Variants in PCSK2 observed in about 807,000 individuals in gnomAD.
The protein encoded by PCSK2 is proprotein convertase subtilisin/kexin type 2.
In PCSK2, 14 loss-of-function variants were observed where a neutral mutation model predicts 69.7. The observed-to-expected ratio is 0.20, with a 90% CI of 0.13 to 0.31. The LOEUF is 0.31. Ranked by LOEUF, PCSK2 falls within the 10% of genes least tolerant of loss-of-function variation. The probability of loss-of-function intolerance (pLI) is 1.00; values close to 1 mark genes in which losing one functional copy is unlikely to be tolerated. For missense variants in PCSK2, 544 were observed against 842.5 expected (o/e 0.65, Z 4.39); for synonymous variants, 307 against 320.7 (o/e 0.96, Z 0.46).
chr20:17,236,894 G>A (rs1986360932), intron 1 of PCSK2, among the ~76,000 whole-genome samples: 1 of 152,144 alleles, frequency 6.6e-6, no homozygotes, highest in Non-Finnish European at 1.5e-5. Flanking sequence ...AATGTTCAGA[G>A]GGAAGGAAGA....
At chr20:17,244,938 T>C (rs1986717436) in intron 1 of PCSK2, among the ~76,000 whole-genome samples, 1 of 152,170 alleles carries the variant, frequency 6.6e-6, no homozygotes, top group Admixed American at 6.5e-5. Flanking sequence ...TCTTGCCAGA[T>C]CCTCGCCACC....
chr20:17,360,508 T>A, intron 3 of PCSK2, 24 bp from the exon 4 acceptor site: 1 of 1,443,690 alleles, frequency 6.9e-7, no homozygotes, highest in Non-Finnish European at 9.7e-7. Flanking sequence ...AATACCATTC[T>A]CTGCTTTGAA....
chr20:17,396,995 T>A (rs1363005488), intron 5 of PCSK2, among the ~76,000 whole-genome samples: 2 of 152,150 alleles, frequency 1.3e-5, no homozygotes, highest in African/African-American at 4.8e-5. Flanking sequence ...TCGAATCTGC[T>A]TCAAGCGATA....
Position 17,358,307 on chromosome 20 carries a change from T to C in PCSK2, c.283-20T>C, listed in dbSNP as rs1316253277. ...ATGTTCAGATTATATTCAGGTAATA[T>C]GTCAGCATTGTCATTCCAGGTAAAG... On this transcript the variant is annotated intron_variant, in intron 2 of 11. Coordinates refer to ENST00000262545, the MANE Select transcript of PCSK2 (RefSeq NM_002594.5). 1.2e-5 allele frequency: 16 copies of C among 1,340,364 alleles called. No homozygotes were observed. Among genetic ancestry groups the C allele is most frequent in the Non-Finnish European group, 1.7e-5 (16 of 930,334 alleles). The allele number at this position is 1,340,364 out of a possible 1,614,324, so 83.0% of individuals were successfully genotyped here.
intron 5 of PCSK2, among the ~76,000 whole-genome samples, chr20:17,381,584 T>C (rs2031088386): frequency 6.6e-6 from 1 of 152,130 alleles, no homozygotes; most frequent in Non-Finnish European, 1.5e-5. Flanking sequence ...CCATCTATAA[T>C]TGTCATCCCC....
At chr20:17,287,433 G>GTC (rs1371354459) in intron 2 of PCSK2, among the ~76,000 whole-genome samples, 22 of 71,894 alleles carry the variant, frequency 3.1e-4, no homozygotes, top group African/African-American at 8.2e-4. Context: ...GTGCGTGTCT[G>GTC]TGTGTGTGTG....
At chr20:17,448,889 T>G (rs2032750207) in intron 8 of PCSK2, among the ~76,000 whole-genome samples, 1 of 124,340 alleles carries the variant, frequency 8.0e-6, no homozygotes, top group Admixed American at 8.3e-5. Context: ...CTAAATGCAC[T>G]TGCCTTTTTT....
At chr20:17,257,766 C>A (rs1215995094) in intron 1 of PCSK2, among the ~76,000 whole-genome samples, 1 of 152,172 alleles carries the variant, frequency 6.6e-6, no homozygotes, top group African/African-American at 2.4e-5. Context: ...TAAAGGTGAG[C>A]ACTTAGGGCC....
At chr20:17,379,208 A>T (rs62201033) in intron 5 of PCSK2, among the ~76,000 whole-genome samples, 10,271 of 152,250 alleles carry the variant, frequency 0.067, 435 homozygotes, top group Middle Eastern at 0.2. Context: ...CCAGGAGGGG[A>T]GTAGTGGGTT....
rs373718477 is a variant in PCSK2, at chr20:17,427,820, T to G, written c.621-1615T>G. The stretch of plus-strand genomic sequence containing the variant: ...GACTGGGGTGTCAGGCATTACAGGT[T>G]ATGTGTCTTTCATCATCCAATAGGC... On this transcript the variant is annotated intron_variant, in intron 6 of 11. Coordinates refer to ENST00000262545, the MANE Select transcript of PCSK2 (RefSeq NM_002594.5). Among the ~76,000 whole-genome samples, 14 of 152,282 alleles carry G rather than the reference T, an allele frequency of 9.2e-5. No individual in the cohort carries two copies. The East Asian group carries it at 9.6e-4, about 10-fold the overall frequency.
chr20:17,333,057 A>G (rs1388846173), intron 2 of PCSK2, among the ~76,000 whole-genome samples: 1 of 152,076 alleles, frequency 6.6e-6, no homozygotes, highest in Non-Finnish European at 1.5e-5. Context: ...GTATTGTATC[A>G]ATGTTAATTT....
At chr20:17,469,770 A>G (rs1297578807) in intron 11 of PCSK2, among the ~76,000 whole-genome samples, 2 of 152,054 alleles carry the variant, frequency 1.3e-5, no homozygotes, top group East Asian at 3.9e-4. Flanking sequence ...GGCATGCTAA[A>G]TGTCATCCAG....
chr20:17,323,389 G>A (rs6075192), intron 2 of PCSK2, among the ~76,000 whole-genome samples: 22,913 of 152,106 alleles, frequency 0.15, 1,919 homozygotes, highest in Middle Eastern at 0.2. Context: ...CCTTGATCTC[G>A]GACTTCCAGC....
At chr20:17,319,897 T>C (rs1269760761) in intron 2 of PCSK2, among the ~76,000 whole-genome samples, 1 of 152,184 alleles carries the variant, frequency 6.6e-6, no homozygotes, top group East Asian at 1.9e-4. Context: ...ACTAACTCAA[T>C]ACTACATTAA....
chr20:17,393,412 T>A (rs1168060987), intron 5 of PCSK2, among the ~76,000 whole-genome samples: 4 of 152,078 alleles, frequency 2.6e-5, no homozygotes, highest in Non-Finnish European at 5.9e-5. Context: ...GTTCCCAAAT[T>A]TGAACAATAA....
At chr20:17,473,551 T>G (rs1304089947) in intron 11 of PCSK2, among the ~76,000 whole-genome samples, 2 of 152,228 alleles carry the variant, frequency 1.3e-5, no homozygotes, top group Non-Finnish European at 2.9e-5. Flanking sequence ...TCTTATAAAT[T>G]GATAATTCCT....
At chr20:17,407,250 A>G (rs556094602) in intron 5 of PCSK2, among the ~76,000 whole-genome samples, 1 of 151,440 alleles carries the variant, frequency 6.6e-6, no homozygotes, top group Non-Finnish European at 1.5e-5. Flanking sequence ...GCCTCTTCCC[A>G]CTCCAACAGC....
At chr20:17,337,434 G>A (rs1455607083) in intron 2 of PCSK2, among the ~76,000 whole-genome samples, 3 of 152,144 alleles carry the variant, frequency 2.0e-5, no homozygotes, top group South Asian at 2.1e-4. Context: ...TCTGCCCTTG[G>A]AGCACATTTT....
intron 9 of PCSK2, among the ~76,000 whole-genome samples, chr20:17,454,408 C>T (rs182232488): frequency 0.014 from 2,150 of 152,228 alleles, 15 homozygotes; most frequent in Non-Finnish European, 0.02. Context: ...CCATAAACCC[C>T]GTAAAATTGC....
Sources: gnomAD v4.1 joint callset for allele counts (sites outside exome capture counted in the v4.1 genomes callset) on GRCh38, gnomAD v4.1.1 for gene constraint, MANE v1.5 for transcripts, NCBI Gene and HGNC (gene_info 2026-07-23, HGNC 2026-07-21) for gene names.